MAMLD1: variants seen among roughly 807,000 people sequenced by gnomAD.
The protein encoded by MAMLD1 is mastermind like domain containing 1.
In MAMLD1, 14 loss-of-function variants were observed where a neutral mutation model predicts 45.0. That is an observed-to-expected ratio of 0.31 (90% CI 0.21 to 0.49). The LOEUF (loss-of-function observed/expected upper bound fraction) is 0.49, where lower values mean the gene tolerates loss of function less well. Among genes scored for constraint, MAMLD1 ranks in the 20% least tolerant of loss-of-function variants. The probability of loss-of-function intolerance (pLI) is 0.99; values close to 1 mark genes in which losing one functional copy is unlikely to be tolerated. For synonymous variants in MAMLD1, 254 were observed against 247.8 expected, an observed-to-expected ratio of 1.02 and a Z score of -0.24; for missense variants, 543 against 603.6, an observed-to-expected ratio of 0.90 and a Z score of 1.05.
chrX:150,433,749 G>T (rs1291589098), intron 1 of MAMLD1, among the ~76,000 whole-genome samples: 1 of 111,982 alleles, frequency 8.9e-6, no homozygotes, highest in Non-Finnish European at 1.9e-5. Context: ...TGCATCACAA[G>T]GATAAAGCCT....
At chrX:150,466,614 C>A (rs1464166223) in intron 3 of MAMLD1, among the ~76,000 whole-genome samples, 5 of 112,338 alleles carry the variant, frequency 4.5e-5, no homozygotes, top group Non-Finnish European at 9.4e-5. Flanking sequence ...AAAGTGGCAT[C>A]CGCTCCAGCA....
At position 150,437,613 on chromosome X, in the gene MAMLD1, C is replaced by T. The variant is rs1380853079; in HGVS notation, c.-63-7841C>T. Reference sequence around the variant, plus strand: ...TTTGTTGAAGGCTTTTTCTGCATCACATAATAGGATACTATGATTTTAATT... The same window carrying T: ...TTTGTTGAAGGCTTTTTCTGCATCATATAATAGGATACTATGATTTTAATT... On this transcript the variant is annotated intron_variant, in intron 1 of 7. Transcript: ENST00000370401. Among the ~76,000 whole-genome samples, 5 of 112,115 alleles carry T rather than the reference C, an allele frequency of 4.5e-5. No individual in the cohort carries two copies. In the East Asian group the frequency reaches 1.4e-3, roughly 32 times the overall value.
At chrX:150,392,376 C>T in intron 1 of MAMLD1, among the ~76,000 whole-genome samples, 1 of 111,260 alleles carries the variant, frequency 9.0e-6, no homozygotes, top group Middle Eastern at 4.2e-3. Context: ...CAATCCACCT[C>T]ACTAATACCT....
intron 2 of MAMLD1, among the ~76,000 whole-genome samples, chrX:150,454,327 C>G (rs1478358888): frequency 1.8e-5 from 2 of 112,324 alleles, no homozygotes; most frequent in Non-Finnish European, 3.8e-5. Context: ...CCAACATCTG[C>G]TTTCTGAATA....
chrX:150,487,735 C>T (rs6627583), intron 5 of MAMLD1, among the ~76,000 whole-genome samples: 12,917 of 111,843 alleles, frequency 0.12, 725 homozygotes, highest in Middle Eastern at 0.17. Flanking sequence ...CTCTAACCAA[C>T]GCCCCACCCC....
intron 1 of MAMLD1, among the ~76,000 whole-genome samples, chrX:150,387,725 T>C (rs1300323420): frequency 2.7e-5 from 3 of 111,674 alleles, no homozygotes; most frequent in Non-Finnish European, 5.7e-5. Flanking sequence ...CTTTCTGAGA[T>C]TTTTTTTATT....
chrX:150,372,494 T>C (rs2032073002), intron 1 of MAMLD1, among the ~76,000 whole-genome samples: 1 of 112,323 alleles, frequency 8.9e-6, no homozygotes, highest in Non-Finnish European at 1.9e-5. Flanking sequence ...TGTCTAATTC[T>C]GAAAGACTGG....
At chrX:150,478,807 C>T in intron 5 of MAMLD1, among the ~76,000 whole-genome samples, 1 of 112,703 alleles carries the variant, frequency 8.9e-6, no homozygotes, top group Middle Eastern at 4.6e-3. Flanking sequence ...ATGGTACATA[C>T]AAGCTTAGTT....
At chrX:150,380,367 A>G (rs2032543565) in intron 1 of MAMLD1, among the ~76,000 whole-genome samples, 1 of 110,425 alleles carries the variant, frequency 9.1e-6, no homozygotes, top group South Asian at 3.8e-4. Flanking sequence ...CCCTTTTTCT[A>G]TTGGGTTTTT....
chrX:150,481,886 G>GAGAA (rs782578251), intron 5 of MAMLD1, among the ~76,000 whole-genome samples: 13 of 94,971 alleles, frequency 1.4e-4, no homozygotes, highest in East Asian at 3.2e-4. Context: ...AAAAGAAAGA[G>GAGAA]AGAAAGAAAG....
intron 1 of MAMLD1, among the ~76,000 whole-genome samples, chrX:150,392,280 T>C (rs1459581850): frequency 8.9e-6 from 1 of 111,763 alleles, no homozygotes; most frequent in African/African-American, 3.3e-5. Context: ...CCCACTAGTC[T>C]TTGCTGATAC....
intron 2 of MAMLD1, among the ~76,000 whole-genome samples, chrX:150,455,780 CTT>C (rs200212837): frequency 1.1e-3 from 78 of 72,638 alleles, no homozygotes; most frequent in Middle Eastern, 7.5e-3. Flanking sequence ...TCTTCTTCTT[CTT>C]TTTTTTTTTT....
At chrX:150,402,748 A>G (rs1177438384) in intron 1 of MAMLD1, among the ~76,000 whole-genome samples, 1 of 112,177 alleles carries the variant, frequency 8.9e-6, no homozygotes, top group African/African-American at 3.2e-5. Context: ...AGCCATAAAC[A>G]ATGATGAGTT....
At chrX:150,455,127 C>T (rs957443298) in intron 2 of MAMLD1, among the ~76,000 whole-genome samples, 1 of 111,912 alleles carries the variant, frequency 8.9e-6, no homozygotes, top group South Asian at 3.7e-4. Context: ...AATATAGAAC[C>T]TACTCTTGTT....
chrX:150,443,171 C>T (rs1557404603), intron 1 of MAMLD1, among the ~76,000 whole-genome samples: 1 of 107,880 alleles, frequency 9.3e-6, no homozygotes, highest in Non-Finnish European at 1.9e-5. Flanking sequence ...TCTTAAATTT[C>T]CAGATGTATG....
chrX:150,381,533 C>T (rs2032608034), intron 1 of MAMLD1, among the ~76,000 whole-genome samples: 1 of 112,661 alleles, frequency 8.9e-6, no homozygotes, highest in Non-Finnish European at 1.9e-5. Flanking sequence ...TCCTGATCTG[C>T]TCTACCCCAA....
intron 1 of MAMLD1, among the ~76,000 whole-genome samples, chrX:150,406,182 C>T (rs2033991019): frequency 1.8e-5 from 2 of 111,041 alleles, no homozygotes; most frequent in Admixed American, 1.9e-4. Context: ...TATAGTGTCT[C>T]TTTTTAACCC....
At chrX:150,379,939 C>T (rs2032519787) in intron 1 of MAMLD1, among the ~76,000 whole-genome samples, 1 of 112,146 alleles carries the variant, frequency 8.9e-6, no homozygotes, top group African/African-American at 3.2e-5. Flanking sequence ...CTATGTGTAG[C>T]CATTTAGATT....
chrX:150,369,141 T>A, intron 1 of MAMLD1, among the ~76,000 whole-genome samples: 1 of 105,543 alleles, frequency 9.5e-6, no homozygotes, highest in African/African-American at 3.4e-5. Flanking sequence ...GAATAAACCC[T>A]TTTTTTTTAA....
Sources: gnomAD v4.1 joint callset for allele counts (sites outside exome capture counted in the v4.1 genomes callset) on GRCh38, gnomAD v4.1.1 for gene constraint, MANE v1.5 for transcripts, NCBI Gene and HGNC (gene_info 2026-07-23, HGNC 2026-07-21) for gene names.